Variants in PTH1R observed in about 807,000 individuals in gnomAD.
The protein encoded by PTH1R is parathyroid hormone 1 receptor, also known as parathyroid hormone/parathyroid hormone-related peptide receptor.
A neutral mutation model predicts 70.7 loss-of-function variants in PTH1R; 32 were observed. The observed-to-expected ratio is 0.45, with a 90% CI of 0.34 to 0.61. The LOEUF (loss-of-function observed/expected upper bound fraction) is 0.61. Among genes scored for constraint, PTH1R ranks in the 20% least tolerant of loss-of-function variants. PTH1R has a pLI of 0.01. For synonymous variants in PTH1R, 329 were observed against 324.8 expected (o/e 1.01, Z -0.14); for missense variants, 626 against 792.5 (o/e 0.79, Z 2.52).
chr3:46,903,239 C>T lies in PTH1R; in HGVS notation c.1396-31C>T, dbSNP rs772291450. ...GGGGCATCGCTGGGGTTGGGAGACACACCTGACTGCCGCACCCTTACTGCC... is the reference window on the plus strand; with the variant it reads ...GGGGCATCGCTGGGGTTGGGAGACATACCTGACTGCCGCACCCTTACTGCC... On this transcript the variant is annotated intron_variant, in intron 15 of 15. Transcript: ENST00000449590. The surrounding 1 kb of genome is among the most constrained non-coding windows in gnomAD (Gnocchi z 4.4). 2.0e-5 allele frequency: 32 copies of T among 1,610,774 alleles called. No homozygotes were observed. Among genetic ancestry groups the T allele is most frequent in the Non-Finnish European group, 2.4e-5 (28 of 1,179,630 alleles).
chr3:46,892,004 G>A lies in PTH1R; in HGVS notation c.76-1903G>A, dbSNP rs868015822. ...ATGGATCCCCCATGTCAGAGGCACA[G>A]GGAGAGCTTCAGGTTAGTCTTGGAG... On this transcript the variant is annotated intron_variant, in intron 3 of 15. Coordinates refer to ENST00000449590, the MANE Select transcript of PTH1R (RefSeq NM_000316.3). This position sits in a 1 kb window ranked among gnomAD's most constrained non-coding sequence, Gnocchi z 5.2. Among the ~76,000 whole-genome samples the A allele has an allele frequency of 2.6e-5, 4 of 152,106 alleles. No individual in the cohort carries two copies. The South Asian group carries it at 6.2e-4, about 24-fold the overall frequency.
rs1377081129 is a variant in PTH1R, at chr3:46,892,486, C to T, written c.76-1421C>T. On this transcript the variant is annotated intron_variant, in intron 3 of 15. Coordinates refer to ENST00000449590, the MANE Select transcript of PTH1R (RefSeq NM_000316.3). The surrounding 1 kb of genome is among the most constrained non-coding windows in gnomAD (Gnocchi z 5.2). ...GCGCTGCCACTCGCGCGCGCACGCA[C>T]AGGGACGCGCACGCGGCTCCGCTAA... 6.6e-6 allele frequency among the ~76,000 whole-genome samples: 1 copy of T among 152,226 alleles called. No homozygotes were observed. Among genetic ancestry groups the T allele is most frequent in the Non-Finnish European group, 1.5e-5 (1 of 68,034 alleles).
chr3:46,878,710 G>T (rs1466731051), intron 1 of PTH1R, among the ~76,000 whole-genome samples: 1 of 152,208 alleles, frequency 6.6e-6, no homozygotes, highest in South Asian at 2.1e-4. Context: ...CTGGCCCCAG[G>T]GTCTGTGTAC....
chr3:46,898,559 C>A, intron 8 of PTH1R, 87 bp downstream of exon 8: 1 of 1,598,706 alleles, frequency 6.3e-7, no homozygotes, highest in Non-Finnish European at 8.5e-7. Context: ...CTGCACCCAT[C>A]ACCCCCGGCG....
At position 46,898,845 on chromosome 3, in the gene PTH1R, C is replaced by CGCT. The variant is rs761006807; in HGVS notation, c.825_827dup (p.Ala276dup). 3 of 1,549,038 alleles carry CGCT rather than the reference C, an allele frequency of 1.9e-6. No homozygotes were observed. Among genetic ancestry groups the CGCT allele is most frequent in the Non-Finnish European group, 8.7e-7 (1 of 1,153,478 alleles). ...AGGCGCCCCCGCCGCCTGCCACCGC[C>CGCT]GCTGCCGGCTACGTGAGTACCCCTC... On this transcript the variant is annotated inframe_insertion, in exon 9 of 16. Transcript: ENST00000449590.
chr3:46,880,039 A>G (rs1484037148), intron 1 of PTH1R, among the ~76,000 whole-genome samples: 1 of 152,210 alleles, frequency 6.6e-6, no homozygotes, highest in African/African-American at 2.4e-5. Context: ...CTCAAAAAAG[A>G]AAAGAAACAG....
At chr3:46,900,554 G>A (rs1043969893) in intron 10 of PTH1R, among the ~76,000 whole-genome samples, 2 of 152,000 alleles carry the variant, frequency 1.3e-5, no homozygotes, top group African/African-American at 4.8e-5. Context: ...TGTGGCCTCT[G>A]CTTGGGACAA....
At chr3:46,897,832 A>G (rs560785008) in intron 5 of PTH1R, 23 bp from the exon 6 acceptor site, 3 of 1,605,098 alleles carry the variant, frequency 1.9e-6, no homozygotes, top group Non-Finnish European at 2.6e-6. Flanking sequence ...GGTATCCCCT[A>G]CCCTGTCTGT....
Position 46,903,148 on chromosome 3 carries a change from C to T in PTH1R, c.1396-122C>T. On this transcript the variant is annotated intron_variant, in intron 15 of 15. Transcript: ENST00000449590. This position sits in a 1 kb window ranked among gnomAD's most constrained non-coding sequence, Gnocchi z 4.4. The stretch of plus-strand genomic sequence containing the variant: ...TTGTGAGGATGGGATTTCACTTGGC[C>T]TTGGAGTTTCCCAGGAGTCCCCTAT... The T allele has an allele frequency of 6.5e-7, 1 of 1,527,410 alleles. No homozygotes were observed. Among genetic ancestry groups the T allele is most frequent in the East Asian group, 2.4e-5 (1 of 40,890 alleles). 94.6% of individuals were successfully genotyped at this position (1,527,410 alleles called of 1,614,324 possible). A position where few individuals can be genotyped will look rare whatever the true frequency, so the allele number is the denominator to read the frequency against.
At chr3:46,878,392 C>CA (rs2030361260) in intron 1 of PTH1R, among the ~76,000 whole-genome samples, 1 of 152,180 alleles carries the variant, frequency 6.6e-6, no homozygotes, top group Admixed American at 6.5e-5. Context: ...TGGGTGGAGG[C>CA]ACAACCTGGG....
At chr3:46,888,371 G>A (rs1575511980) in intron 3 of PTH1R, among the ~76,000 whole-genome samples, 2 of 152,316 alleles carry the variant, frequency 1.3e-5, no homozygotes, top group Admixed American at 6.5e-5. Context: ...GGAGGGTGCC[G>A]AGCCCTCCGA....
intron 3 of PTH1R, among the ~76,000 whole-genome samples, chr3:46,886,823 C>T (rs888266664): frequency 3.9e-5 from 6 of 152,204 alleles, no homozygotes; most frequent in African/African-American, 1.4e-4. Context: ...TGTGGCACAG[C>T]AGGATTTGAA....
chr3:46,894,877 C>T (rs1575518151), intron 4 of PTH1R, among the ~76,000 whole-genome samples: 1 of 151,920 alleles, frequency 6.6e-6, no homozygotes, highest in East Asian at 1.9e-4. Context: ...GCCTGGGCAA[C>T]ATAGTGAGAC....
At chr3:46,895,678 C>G in intron 4 of PTH1R, 57 bp from the exon 5 acceptor site, 2 of 1,613,230 alleles carry the variant, frequency 1.2e-6, no homozygotes, top group Non-Finnish European at 1.7e-6. Flanking sequence ...AAAGAGTACC[C>G]TGGGTCTCCT....
Position 46,899,471 on chromosome 3 carries a change from C to T in PTH1R, c.988+15C>T, listed in dbSNP as rs1168892205. ...CTTCGGCTGGGGTACGCGGGCACAG[C>T]GGGTAGCGAGGTGCCGGCAGGGGTG... On this transcript the variant is annotated intron_variant, in intron 10 of 15. Transcript: ENST00000449590. 8.1e-6 allele frequency: 13 copies of T among 1,606,418 alleles called. No individual in the cohort carries two copies. Among genetic ancestry groups the T allele is most frequent in the Non-Finnish European group, 1.1e-5 (13 of 1,176,126 alleles).
intron 3 of PTH1R, among the ~76,000 whole-genome samples, chr3:46,889,039 G>T (rs903747855): frequency 6.6e-6 from 1 of 152,266 alleles, no homozygotes; most frequent in African/African-American, 2.4e-5. Context: ...AGAGAGGGCA[G>T]CAGGGGTGGG....
At position 46,892,448 on chromosome 3, in the gene PTH1R, G is replaced by A. The variant is rs1016406984; in HGVS notation, c.76-1459G>A. 9.1e-4 allele frequency among the ~76,000 whole-genome samples: 138 copies of A among 152,340 alleles called. 1 individual carries two copies. Among genetic ancestry groups the A allele is most frequent in the African/African-American group, 3.2e-3 (135 of 41,576 alleles). ...CGGGCACACACAAGTGCACGCGCCG[G>A]CCACTCGAGAATGCGCTGCCACTCG... On this transcript the variant is annotated intron_variant, in intron 3 of 15. Coordinates refer to ENST00000449590, the MANE Select transcript of PTH1R (RefSeq NM_000316.3). This position sits in a 1 kb window ranked among gnomAD's most constrained non-coding sequence, Gnocchi z 5.2.
chr3:46,901,580 C>G lies in PTH1R; in HGVS notation c.1116+100C>G. The stretch of plus-strand genomic sequence containing the variant: ...AGGGACCTAGGAGGCTTCCCTGGAC[C>G]CCAGTGTCAGAGCTACAGAGGCCGG... On this transcript the variant is annotated intron_variant, in intron 12 of 15. Coordinates refer to ENST00000449590, the MANE Select transcript of PTH1R (RefSeq NM_000316.3). The surrounding 1 kb of genome is among the most constrained non-coding windows in gnomAD (Gnocchi z 7.3). 1 of 1,436,990 alleles carries G rather than the reference C, an allele frequency of 7.0e-7. No individual in the cohort carries two copies. Among genetic ancestry groups the G allele is most frequent in the Non-Finnish European group, 9.6e-7 (1 of 1,046,898 alleles). The allele number at this position is 1,436,990 out of a possible 1,614,324, so 89.0% of individuals were successfully genotyped here. A position where few individuals can be genotyped will look rare whatever the true frequency, so the allele number is the denominator to read the frequency against.
rs575062205 is a variant in PTH1R, at chr3:46,879,988, G to A, written c.-105-1074G>A. ...CGGGAGGTGGAGGTTGCAGTCAGCCGAGATCGCACCACTGCACTCCAGCCT... is the reference window on the plus strand; with the variant it reads ...CGGGAGGTGGAGGTTGCAGTCAGCCAAGATCGCACCACTGCACTCCAGCCT... On this transcript the variant is annotated intron_variant, in intron 1 of 15. Coordinates refer to ENST00000449590, the MANE Select transcript of PTH1R (RefSeq NM_000316.3). This position sits in a 1 kb window ranked among gnomAD's most constrained non-coding sequence, Gnocchi z 4.7. Among the ~76,000 whole-genome samples, 3 of 150,992 alleles carry A rather than the reference G, an allele frequency of 2.0e-5. No homozygotes were observed. The highest frequency in any genetic ancestry group is 2.1e-4 in the South Asian group (1 of 4,748).
Sources: allele counts gnomAD v4.1 joint callset (sites outside exome capture counted in the v4.1 genomes callset), GRCh38; gene constraint gnomAD v4.1.1; non-coding constraint Gnocchi (gnomAD v3.1); transcripts MANE v1.5; gene names NCBI Gene and HGNC (gene_info 2026-07-23, HGNC 2026-07-21).